The following GALNT17 variants were observed in gnomAD, a reference collection of about 807,000 sequenced individuals.
The protein encoded by GALNT17 is polypeptide N-acetylgalactosaminyltransferase 17, also known as UDP-GalNAc:polypeptide N-acetylgalactosaminyltransferase-like 3.
A neutral mutation model predicts 63.7 loss-of-function variants in GALNT17; 29 were observed. That is an observed-to-expected ratio of 0.46 (90% confidence interval 0.34 to 0.62). The LOEUF (loss-of-function observed/expected upper bound fraction) is 0.62. Ranked by LOEUF, GALNT17 falls within the 20% of genes least tolerant of loss-of-function variation. The pLI is 0.01. For missense variants in GALNT17, 603 were observed against 799.6 expected (o/e 0.75, Z 2.97); for synonymous variants, 305 against 318.3 (o/e 0.96, Z 0.45).
At chr7:71,439,571 G>T (rs1787028762) in intron 5 of GALNT17, among the ~76,000 whole-genome samples, 1 of 152,168 alleles carries the variant, frequency 6.6e-6, no homozygotes, top group South Asian at 2.1e-4. Flanking sequence ...GCTCCCAGCG[G>T]CAGGTAGATT....
At chr7:71,188,060 T>C (rs1788886171) in intron 1 of GALNT17, among the ~76,000 whole-genome samples, 1 of 152,220 alleles carries the variant, frequency 6.6e-6, no homozygotes, top group African/African-American at 2.4e-5. Flanking sequence ...TGCCATTAAT[T>C]CATTCATTTT....
intron 5 of GALNT17, among the ~76,000 whole-genome samples, chr7:71,502,110 T>C (rs1192115161): frequency 1.3e-5 from 2 of 152,212 alleles, no homozygotes; most frequent in South Asian, 4.1e-4. Flanking sequence ...CGCAGGCTCT[T>C]GCATTAAAAT....
chr7:71,687,729 A>AT (rs1341225788), intron 9 of GALNT17, among the ~76,000 whole-genome samples: 7 of 152,094 alleles, frequency 4.6e-5, no homozygotes, highest in African/African-American at 9.7e-5. Context: ...CTTTTTAAAA[A>AT]TTTTTTTATT....
intron 2 of GALNT17, among the ~76,000 whole-genome samples, chr7:71,342,663 A>G (rs1792026174): frequency 6.6e-6 from 1 of 152,186 alleles, no homozygotes; most frequent in Non-Finnish European, 1.5e-5. Context: ...AAATTATGGT[A>G]TAATTATTGG....
intron 5 of GALNT17, among the ~76,000 whole-genome samples, chr7:71,562,529 T>C (rs967016402): frequency 2.0e-5 from 3 of 152,152 alleles, no homozygotes; most frequent in Non-Finnish European, 4.4e-5. Context: ...CATTAGATTC[T>C]CATAAGCAGC....
intron 6 of GALNT17, among the ~76,000 whole-genome samples, chr7:71,603,444 G>T (rs918345429): frequency 6.7e-6 from 1 of 149,382 alleles, no homozygotes; most frequent in Non-Finnish European, 1.5e-5. Flanking sequence ...GATACTATGC[G>T]AAGTGCATAT....
intron 3 of GALNT17, among the ~76,000 whole-genome samples, chr7:71,400,137 C>G (rs1793213911): frequency 6.6e-6 from 1 of 152,054 alleles, no homozygotes; most frequent in Non-Finnish European, 1.5e-5. Flanking sequence ...TCTCCTAATG[C>G]TCTCCCTCCC....
At chr7:71,177,492 T>A (rs1023026906) in intron 1 of GALNT17, among the ~76,000 whole-genome samples, 7 of 152,152 alleles carry the variant, frequency 4.6e-5, no homozygotes, top group Admixed American at 1.3e-4. Flanking sequence ...CAATTCAAGT[T>A]AGAAAGCATT....
intron 6 of GALNT17, among the ~76,000 whole-genome samples, chr7:71,580,021 A>G (rs746488080): frequency 2.6e-5 from 4 of 151,972 alleles, no homozygotes; most frequent in Non-Finnish European, 5.9e-5. Flanking sequence ...GATATAGACG[A>G]TAGAGATGAT....
chr7:71,330,665 G>A (rs1583866542), intron 1 of GALNT17, among the ~76,000 whole-genome samples: 1 of 152,258 alleles, frequency 6.6e-6, no homozygotes, highest in South Asian at 2.1e-4. Flanking sequence ...GCCTCCCAAA[G>A]CACTGGGATT....
intron 5 of GALNT17, among the ~76,000 whole-genome samples, chr7:71,524,256 T>C (rs1009922485): frequency 8.2e-5 from 12 of 147,080 alleles, no homozygotes; most frequent in African/African-American, 3.0e-4. Context: ...TAATATATAT[T>C]ATATTATATA....
chr7:71,173,221 C>A (rs989005018), intron 1 of GALNT17, among the ~76,000 whole-genome samples: 5 of 152,072 alleles, frequency 3.3e-5, no homozygotes, highest in Admixed American at 2.6e-4. Flanking sequence ...GCACTGGGGA[C>A]CCTCAGGGAC....
chr7:71,677,912 C>T (rs1223825192), intron 9 of GALNT17, among the ~76,000 whole-genome samples: 1 of 152,012 alleles, frequency 6.6e-6, no homozygotes, highest in Non-Finnish European at 1.5e-5. Flanking sequence ...TCTCAATGTC[C>T]AGATGGATAC....
intron 6 of GALNT17, among the ~76,000 whole-genome samples, chr7:71,651,127 G>A (rs1186482470): frequency 1.3e-5 from 2 of 151,406 alleles, no homozygotes; most frequent in African/African-American, 2.4e-5. Context: ...TGTCAGAGTC[G>A]GGAGGACAGA....
rs145773445 is a variant in GALNT17 at position 71,274,560 on chromosome 7, G to A, written c.239-60990G>A. On this transcript the variant is annotated intron_variant, in intron 1 of 10. Transcript: ENST00000333538. ...CTCCAAAAGCGCTGGGTTGGCAGAT[G>A]TGAGCCACTGTACCCAATGCTCATT... 2.3e-3 allele frequency among the ~76,000 whole-genome samples: 347 copies of A among 152,318 alleles called. 1 individual carries two copies. The highest frequency in any genetic ancestry group is 7.9e-3 in the African/African-American group (327 of 41,574).
chr7:71,279,144 C>T (rs773526712), intron 1 of GALNT17, among the ~76,000 whole-genome samples: 3 of 151,866 alleles, frequency 2.0e-5, no homozygotes, highest in African/African-American at 7.3e-5. Flanking sequence ...AGGATGGTCT[C>T]GATCTCCTTA....
chr7:71,512,855 C>A (rs1231434421), intron 5 of GALNT17, among the ~76,000 whole-genome samples: 1 of 152,162 alleles, frequency 6.6e-6, no homozygotes, highest in Non-Finnish European at 1.5e-5. Flanking sequence ...AGGCCCAGGT[C>A]GGCTGTCAAG....
At chr7:71,218,219 C>T (rs1048414389) in intron 1 of GALNT17, among the ~76,000 whole-genome samples, 6 of 152,076 alleles carry the variant, frequency 3.9e-5, no homozygotes, top group Admixed American at 3.9e-4. Context: ...CATGGTGAAA[C>T]CCCGTCTCTA....
At chr7:71,270,741 A>G (rs1790572501) in intron 1 of GALNT17, among the ~76,000 whole-genome samples, 1 of 152,108 alleles carries the variant, frequency 6.6e-6, no homozygotes, top group South Asian at 2.1e-4. Context: ...CGGATGAAAA[A>G]AAATAGTTGA....
Sources: gnomAD v4.1 joint callset for allele counts (sites outside exome capture counted in the v4.1 genomes callset) on GRCh38, gnomAD v4.1.1 for gene constraint, MANE v1.5 for transcripts, NCBI Gene and HGNC (gene_info 2026-07-23, HGNC 2026-07-21) for gene names.